The following EDIL3 variants were observed in gnomAD, a reference collection of about 807,000 sequenced individuals.
The protein encoded by EDIL3 is EGF-like repeat and discoidin I-like domain-containing protein 3.
EDIL3 carries 37 observed loss-of-function variants against 67.4 expected under a neutral mutation model. The observed-to-expected ratio is 0.55, with a 90% CI of 0.42 to 0.72. The LOEUF (loss-of-function observed/expected upper bound fraction) is 0.72, where lower values mean the gene tolerates loss of function less well. EDIL3 is among the 30% of genes least tolerant of loss of function. The pLI, the probability that EDIL3 is intolerant of heterozygous loss-of-function variation, is 0.00. For missense variants in EDIL3, 527 were observed against 586.3 expected (o/e 0.90, Z 1.04); for synonymous variants, 195 against 196.3 (o/e 0.99, Z 0.05).
intron 9 of EDIL3, among the ~76,000 whole-genome samples, chr5:84,056,103 A>G (rs1010291311): frequency 2.6e-5 from 4 of 152,212 alleles, no homozygotes; most frequent in African/African-American, 9.6e-5. Context: ...AATGTGGCAC[A>G]TGGAATACTA....
chr5:84,323,932 T>C (rs1286139822), intron 1 of EDIL3, among the ~76,000 whole-genome samples: 1 of 151,714 alleles, frequency 6.6e-6, no homozygotes, highest in Non-Finnish European at 1.5e-5. Flanking sequence ...AATGACAGAT[T>C]TGAAGGGAAA....
At chr5:84,221,831 A>G (rs1440626349) in intron 3 of EDIL3, among the ~76,000 whole-genome samples, 3 of 152,054 alleles carry the variant, frequency 2.0e-5, no homozygotes, top group Non-Finnish European at 2.9e-5. Flanking sequence ...CTAGAGGGAA[A>G]ATATGTATTT....
chr5:83,982,247 G>T (rs1744982832), intron 9 of EDIL3, among the ~76,000 whole-genome samples: 2 of 152,012 alleles, frequency 1.3e-5, no homozygotes, highest in South Asian at 4.1e-4. Flanking sequence ...CTAGGTCAGA[G>T]CTAGATCTTC....
chr5:84,113,133 GT>G (rs978688163), intron 5 of EDIL3, among the ~76,000 whole-genome samples: 1 of 152,084 alleles, frequency 6.6e-6, no homozygotes, highest in East Asian at 1.9e-4. Context: ...ATTCCCCATT[GT>G]TACCTCTAGA....
intron 3 of EDIL3, among the ~76,000 whole-genome samples, chr5:84,206,142 CTT>C (rs1438923084): frequency 6.6e-5 from 10 of 151,662 alleles, no homozygotes; most frequent in African/African-American, 2.4e-4. Flanking sequence ...CAAAGAACAT[CTT>C]TATTTCTGCC....
At chr5:84,197,679 CA>C (rs960715578) in intron 3 of EDIL3, among the ~76,000 whole-genome samples, 3 of 147,238 alleles carry the variant, frequency 2.0e-5, no homozygotes, top group Admixed American at 6.8e-5. Context: ...AGCAAACAAA[CA>C]AAAAAAAAGT....
rs1417055671 is a variant in EDIL3, at chr5:84,224,878, A to G, written c.226+4977T>C. ...ATATCAACATACTTAGATTAAATATATCACTTCTAAAAGTGATTCATTTTG... is the reference window on the plus strand; with the variant it reads ...ATATCAACATACTTAGATTAAATATGTCACTTCTAAAAGTGATTCATTTTG... On this transcript the variant is annotated intron_variant, in intron 3 of 10. Coordinates refer to ENST00000296591, the MANE Select transcript of EDIL3 (RefSeq NM_005711.5). Among the ~76,000 whole-genome samples, 4 of 151,588 alleles carry G rather than the reference A, an allele frequency of 2.6e-5. 1 individual carries two copies.
chr5:84,128,915 C>T (rs544857487), intron 5 of EDIL3, among the ~76,000 whole-genome samples: 26 of 152,080 alleles, frequency 1.7e-4, no homozygotes, highest in South Asian at 6.2e-4. Flanking sequence ...AAACTTCTTA[C>T]GGAATGTTTC....
At chr5:84,091,434 T>C (rs1747164219) in intron 6 of EDIL3, among the ~76,000 whole-genome samples, 2 of 152,244 alleles carry the variant, frequency 1.3e-5, no homozygotes, top group South Asian at 2.1e-4. Flanking sequence ...TACAATTAAG[T>C]CTAACTACAT....
At chr5:84,170,242 AC>A (rs1748790539) in intron 4 of EDIL3, among the ~76,000 whole-genome samples, 1 of 152,218 alleles carries the variant, frequency 6.6e-6, no homozygotes, top group South Asian at 2.1e-4. Context: ...AGATATCTGA[AC>A]CCTGAATGAA....
chr5:84,293,704 C>T (rs1745973665), intron 1 of EDIL3, among the ~76,000 whole-genome samples: 1 of 150,998 alleles, frequency 6.6e-6, no homozygotes, highest in Non-Finnish European at 1.5e-5. Flanking sequence ...TTTGCTTTGC[C>T]AGCTGTGGGA....
chr5:84,150,421 A>C (rs1434409160), intron 4 of EDIL3, among the ~76,000 whole-genome samples: 1 of 152,194 alleles, frequency 6.6e-6, no homozygotes, highest in Non-Finnish European at 1.5e-5. Flanking sequence ...ACAACATATA[A>C]ACAACTCTCA....
At chr5:84,102,111 A>T (rs2112278613) in intron 6 of EDIL3, among the ~76,000 whole-genome samples, 1 of 152,200 alleles carries the variant, frequency 6.6e-6, no homozygotes, top group Non-Finnish European at 1.5e-5. Flanking sequence ...TTCCAATAAA[A>T]TTTAACACCT....
chr5:84,175,532 T>A (rs1397011700), intron 4 of EDIL3, among the ~76,000 whole-genome samples: 1 of 152,210 alleles, frequency 6.6e-6, no homozygotes, highest in African/African-American at 2.4e-5. Flanking sequence ...GGACAAAGGA[T>A]TGTTAATCAC....
At chr5:84,065,450 T>A (rs1268524668) in intron 7 of EDIL3, among the ~76,000 whole-genome samples, 1 of 152,182 alleles carries the variant, frequency 6.6e-6, no homozygotes, top group Non-Finnish European at 1.5e-5. Flanking sequence ...CTTATTCTTA[T>A]TTTACCTTTT....
At chr5:84,249,413 ATC>A (rs1744978303) in intron 2 of EDIL3, among the ~76,000 whole-genome samples, 1 of 150,750 alleles carries the variant, frequency 6.6e-6, no homozygotes, top group Non-Finnish European at 1.5e-5. Context: ...CTATCTATCT[ATC>A]TATCTATCTA....
rs569062478 is a variant in EDIL3, at chr5:84,245,062, TC to T, written c.196+9021del. Among the ~76,000 whole-genome samples, 20 of 152,334 alleles carry T rather than the reference TC, an allele frequency of 1.3e-4. No homozygotes were observed. The East Asian group carries it at 3.9e-3, about 29-fold the overall frequency. Reference sequence around the variant, plus strand: ...ATGCTCTAAAACATGATTTAAGCTTTCTTTGATTAAATGCTTATTCCTTCTC... The same window carrying T: ...ATGCTCTAAAACATGATTTAAGCTTTTTTGATTAAATGCTTATTCCTTCTC... On this transcript the variant is annotated intron_variant, in intron 2 of 10. Transcript: ENST00000296591.
intron 9 of EDIL3, among the ~76,000 whole-genome samples, chr5:83,996,238 G>T (rs944918000): frequency 6.6e-6 from 1 of 152,180 alleles, no homozygotes; most frequent in African/African-American, 2.4e-5. Flanking sequence ...GTGTTGAGTA[G>T]AATTTTCATG....
At chr5:83,967,138 T>C (rs1385578066) in intron 9 of EDIL3, among the ~76,000 whole-genome samples, 1 of 151,990 alleles carries the variant, frequency 6.6e-6, no homozygotes, top group Non-Finnish European at 1.5e-5. Flanking sequence ...CTGGGCTACC[T>C]GGTAAAACCC....
Sources: gnomAD v4.1 joint callset for allele counts (sites outside exome capture counted in the v4.1 genomes callset) on GRCh38, gnomAD v4.1.1 for gene constraint, MANE v1.5 for transcripts, NCBI Gene and HGNC (gene_info 2026-07-23, HGNC 2026-07-21) for gene names.